STARD13: variants seen among roughly 807,000 people sequenced by gnomAD.
STARD13 encodes stAR-related lipid transfer protein 13.
In STARD13, 62 loss-of-function variants were observed where a neutral mutation model predicts 106.4. The ratio of observed to expected loss-of-function variants is 0.58; its 90% confidence interval spans 0.48 to 0.72. The LOEUF (loss-of-function observed/expected upper bound fraction) is 0.72, where lower values mean the gene tolerates loss of function less well. Among genes scored for constraint, STARD13 ranks in the 30% least tolerant of loss-of-function variants. The pLI is 0.00. For missense variants in STARD13, 1,387 were observed against 1,424.0 expected (o/e 0.97, Z 0.42); for synonymous variants, 565 against 553.0 (o/e 1.02, Z -0.31).
At chr13:33,160,446 C>T (rs1037059423) in intron 3 of STARD13, among the ~76,000 whole-genome samples, 1 of 152,040 alleles carries the variant, frequency 6.6e-6, no homozygotes, top group Non-Finnish European at 1.5e-5. Flanking sequence ...AACTGGACTT[C>T]AGAAAAATTA....
At chr13:33,416,043 T>A in the STARD13 span, among the ~76,000 whole-genome samples, 2 of 152,266 alleles carry the variant, frequency 1.3e-5, no homozygotes, top group Non-Finnish European at 2.9e-5. Context: ...TTACCTTTCA[T>A]ATTTATTGAA....
downstream of STARD13, among the ~76,000 whole-genome samples, chr13:33,343,936 G>A (rs1017605008): frequency 1.3e-5 from 2 of 151,858 alleles, no homozygotes; most frequent in East Asian, 1.9e-4. Flanking sequence ...CTCCAGGCAC[G>A]ACTGATCTTT....
At chr13:33,407,205 C>T in the STARD13 span, among the ~76,000 whole-genome samples, 3 of 152,172 alleles carry the variant, frequency 2.0e-5, no homozygotes, top group Non-Finnish European at 2.9e-5. Context: ...GTATTTCTAA[C>T]TCAGATGGGC....
the STARD13 span, among the ~76,000 whole-genome samples, chr13:33,380,035 G>A: frequency 6.6e-6 from 1 of 152,152 alleles, no homozygotes; most frequent in African/African-American, 2.4e-5. Flanking sequence ...ATGCATGCAA[G>A]ACAGAGAAGA....
the STARD13 span, among the ~76,000 whole-genome samples, chr13:33,577,114 C>A: frequency 6.6e-6 from 1 of 152,160 alleles, no homozygotes; most frequent in Non-Finnish European, 1.5e-5. Flanking sequence ...CTAATTATGT[C>A]CATGTCTTTA....
chr13:33,106,939 A>AGCTGTTTT lies in STARD13; in HGVS notation c.3048-6_3048-5insAAAACAGC. 6.2e-7 allele frequency: 1 copy of AGCTGTTTT among 1,610,596 alleles called. No homozygotes were observed. Among genetic ancestry groups the AGCTGTTTT allele is most frequent in the Non-Finnish European group, 8.5e-7 (1 of 1,177,828 alleles). ...GGCAAATCAGTTTTCCAGGTCCTGT[A>AGCTGTTTT]GCAAAACAATCCGCACATCAGAGTC... On this transcript the variant is annotated splice_polypyrimidine_tract_variant and splice_region_variant and intron_variant, in intron 12 of 13. Transcript: ENST00000336934.
At position 33,130,966 on chromosome 13, in the gene STARD13, G is replaced by A. The variant is rs1383000687; in HGVS notation, c.388-677C>T. ...TTTCTGTGGAATCAACTCCGAGTCA[G>A]AATGCCGTTGGCAGGACGCACACCT... is the stretch of plus-strand genomic sequence containing the variant. On this transcript the variant is annotated intron_variant, in intron 4 of 13. Coordinates refer to ENST00000336934, the MANE Select transcript of STARD13 (RefSeq NM_178006.4). The surrounding 1 kb of genome is among the most constrained non-coding windows in gnomAD (Gnocchi z 4.1). Among the ~76,000 whole-genome samples, 1 of 152,228 alleles carries A rather than the reference G, an allele frequency of 6.6e-6. No homozygotes were observed. Among genetic ancestry groups the A allele is most frequent in the Non-Finnish European group, 1.5e-5 (1 of 68,048 alleles).
chr13:33,189,739 G>T (rs1307325255), intron 1 of STARD13, among the ~76,000 whole-genome samples: 1 of 151,660 alleles, frequency 6.6e-6, no homozygotes, highest in Non-Finnish European at 1.5e-5. Context: ...ACAGTTTTCT[G>T]CTTGACTCAG....
the STARD13 span, among the ~76,000 whole-genome samples, chr13:33,575,617 C>T: frequency 6.6e-6 from 1 of 152,130 alleles, no homozygotes; most frequent in Admixed American, 6.6e-5. Context: ...TCTTGTGAGA[C>T]TGGATTAGTT....
exon 2 of STARD13, chr13:33,348,877 G>T: frequency 2.3e-6 from 1 of 426,614 alleles, no homozygotes. Flanking sequence ...AATGTGGAAT[G>T]AACATTGTAT....
At chr13:33,108,696 G>A (rs894731694) in intron 12 of STARD13, among the ~76,000 whole-genome samples, 1 of 152,206 alleles carries the variant, frequency 6.6e-6, no homozygotes, top group African/African-American at 2.4e-5. Context: ...CCGGATGGAT[G>A]GAAGGAGGGA....
At position 33,111,771 on chromosome 13, in the gene STARD13, T is replaced by C. The variant is rs769757559; in HGVS notation, c.2607+7A>G. ...TAGGGAGGCGGAGGTTCGAGCCTTT[T>C]GCTCACCTCAAAAAGTCTGTCGCAT... On this transcript the variant is annotated splice_region_variant and intron_variant, in intron 10 of 13. Transcript: ENST00000336934. 3 of 1,602,950 alleles carry C rather than the reference T, an allele frequency of 1.9e-6. No homozygotes were observed. Among genetic ancestry groups the C allele is most frequent in the East Asian group, 2.2e-5 (1 of 44,824 alleles).
At chr13:33,603,645 C>G in the STARD13 span, among the ~76,000 whole-genome samples, 1 of 152,082 alleles carries the variant, frequency 6.6e-6, no homozygotes, top group African/African-American at 2.4e-5. Flanking sequence ...CTCCCCTAAC[C>G]TGGTCAATTA....
At chr13:33,482,767 G>A in the STARD13 span, among the ~76,000 whole-genome samples, 1 of 152,148 alleles carries the variant, frequency 6.6e-6, no homozygotes, top group African/African-American at 2.4e-5. Flanking sequence ...CTTTTGTTTG[G>A]TACACTAGGC....
chr13:33,393,457 C>A, the STARD13 span, among the ~76,000 whole-genome samples: 3 of 152,134 alleles, frequency 2.0e-5, no homozygotes, highest in African/African-American at 7.2e-5. Flanking sequence ...TCTTTTGGTA[C>A]TTGGCAGGTT....
chr13:33,231,825 T>C (rs552775131), intron 1 of STARD13, among the ~76,000 whole-genome samples: 2 of 152,268 alleles, frequency 1.3e-5, no homozygotes, highest in East Asian at 3.9e-4. Flanking sequence ...CATGATTCAG[T>C]GTCATTTTAG....
intron 1 of STARD13, among the ~76,000 whole-genome samples, chr13:33,220,189 G>A (rs1888277225): frequency 6.6e-6 from 1 of 152,184 alleles, no homozygotes; most frequent in African/African-American, 2.4e-5. Context: ...GAGAACACAT[G>A]TGAAAACTAG....
the STARD13 span, among the ~76,000 whole-genome samples, chr13:33,475,966 AAAAGAAAAAAAAG>A: frequency 6.6e-6 from 1 of 151,910 alleles, no homozygotes; most frequent in Non-Finnish European, 1.5e-5. Flanking sequence ...AAAAATAAAA[AAAAGAAAAAAAAG>A]AAAGAAAAAT....
intron 3 of STARD13, among the ~76,000 whole-genome samples, chr13:33,161,934 T>C (rs545385629): frequency 6.6e-6 from 1 of 152,124 alleles, no homozygotes; most frequent in Non-Finnish European, 1.5e-5. Context: ...GTGAGACTTA[T>C]ACACTACCAC....
Sources: allele counts gnomAD v4.1 joint callset (sites outside exome capture counted in the v4.1 genomes callset), GRCh38; gene constraint gnomAD v4.1.1; non-coding constraint Gnocchi (gnomAD v3.1); transcripts MANE v1.5; gene names NCBI Gene and HGNC (gene_info 2026-07-23, HGNC 2026-07-21).